Variants in PTGDR observed in about 807,000 individuals in gnomAD.
PTGDR encodes the protein prostaglandin D2 receptor, also known as PGD2 receptor.
A neutral mutation model predicts 17.4 loss-of-function variants in PTGDR; 19 were observed. That is an observed-to-expected ratio of 1.09 (90% CI 0.76 to 1.60). The LOEUF (loss-of-function observed/expected upper bound fraction) is 1.60, where lower values mean the gene tolerates loss of function less well. Among genes scored for constraint, PTGDR ranks in the 40% most tolerant of loss-of-function variants. The pLI is 0.00. For missense variants in PTGDR, 526 were observed against 481.9 expected (o/e 1.09, Z -0.86); for synonymous variants, 267 against 224.2 (o/e 1.19, Z -1.71).
At chr14:52,280,151 G>A (rs781588791), downstream of PTGDR, among the ~76,000 whole-genome samples, 7 of 152,154 alleles carry the variant, frequency 4.6e-5, no homozygotes, top group African/African-American at 1.2e-4. Flanking sequence ...CTAGCGGTGC[G>A]TTGTATAAAC....
chr14:52,272,540 C>A (rs985771905), intron 1 of PTGDR, among the ~76,000 whole-genome samples: 2 of 152,038 alleles, frequency 1.3e-5, no homozygotes, highest in Non-Finnish European at 2.9e-5. Flanking sequence ...GAGAAGAACG[C>A]CCTCTGATGG....
Position 52,275,429 on chromosome 14 carries a change from T to C in PTGDR, c.*465T>C, listed in dbSNP as rs1221462780. 1 of 157,568 alleles carries C rather than the reference T, an allele frequency of 6.3e-6. No individual in the cohort carries two copies. Among genetic ancestry groups the C allele is most frequent in the Non-Finnish European group, 1.4e-5 (1 of 71,524 alleles). The allele number at this position is 157,568 out of a possible 1,614,324, so 9.8% of individuals were successfully genotyped here. A position where few individuals can be genotyped will look rare whatever the true frequency, so the allele number is the denominator to read the frequency against. ...ACCTGATTCATTGATTTTATATCAT[T>C]GCCGATGTTTAGTTCATTTCTTTGC... On this transcript the variant is annotated 3_prime_UTR_variant, in exon 2 of 2. Transcript: ENST00000306051.
chr14:52,268,196 C>T lies in PTGDR; in HGVS notation c.382C>T (p.Leu128=). ...GACACTGCAACTCCTGGCCATGGCACTGGAGTGCTGGCTCTCCCTAGGGCA... is the reference window on the plus strand; with the variant it reads ...GACACTGCAACTCCTGGCCATGGCATTGGAGTGCTGGCTCTCCCTAGGGCA... ...SSTLQLLAMA[L]ECWLSLGHPF... Residue 128 remains leucine (L), a synonymous_variant, in exon 1 of 2, where the codon CTG becomes TTG. Transcript: ENST00000306051. 2 of 1,614,150 alleles carry T rather than the reference C, an allele frequency of 1.2e-6. No homozygotes were observed. Among genetic ancestry groups the T allele is most frequent in the Non-Finnish European group, 1.7e-6 (2 of 1,180,046 alleles).
chr14:52,274,046 G>A (rs1021983127), intron 1 of PTGDR, among the ~76,000 whole-genome samples: 1 of 151,242 alleles, frequency 6.6e-6, no homozygotes, highest in African/African-American at 2.4e-5. Flanking sequence ...TTATATTTTT[G>A]TGCATGTTTT....
chr14:52,278,292 G>A (rs952118977), downstream of PTGDR, among the ~76,000 whole-genome samples: 1 of 152,092 alleles, frequency 6.6e-6, no homozygotes, highest in Non-Finnish European at 1.5e-5. Flanking sequence ...CAGCCATAAA[G>A]AATGATGAGT....
At chr14:52,272,413 G>A (rs1169713504) in intron 1 of PTGDR, among the ~76,000 whole-genome samples, 1 of 151,688 alleles carries the variant, frequency 6.6e-6, no homozygotes, top group East Asian at 1.9e-4. Flanking sequence ...GCTGCATTGA[G>A]CCTTGATTGT....
At chr14:52,278,324 G>A (rs1566485786), downstream of PTGDR, among the ~76,000 whole-genome samples, 1 of 152,154 alleles carries the variant, frequency 6.6e-6, no homozygotes, top group Non-Finnish European at 1.5e-5. Context: ...GTAGGGACAT[G>A]GATGAAACTG....
At chr14:52,278,581 C>T (rs569242167), downstream of PTGDR, among the ~76,000 whole-genome samples, 8 of 151,808 alleles carry the variant, frequency 5.3e-5, no homozygotes, top group Non-Finnish European at 8.8e-5. Context: ...CAAACCTGCA[C>T]GTTGTGCACA....
Position 52,267,864 on chromosome 14 carries a change from G to GAACAT in PTGDR, c.50_51insAACAT (p.Asn18ThrfsTer6). 6.3e-7 allele frequency: 1 copy of GAACAT among 1,599,122 alleles called. No homozygotes were observed. Among genetic ancestry groups the GAACAT allele is most frequent in the Non-Finnish European group, 8.5e-7 (1 of 1,172,042 alleles). The stretch of plus-strand genomic sequence containing the variant: ...CAGAACACCACCTCTGTGGAAAAAG[G>GAACAT]CAACTCGGCGGTGATGGGCGGGGTG... On this transcript the variant is annotated frameshift_variant, in exon 1 of 2. Coordinates refer to ENST00000306051, the MANE Select transcript of PTGDR (RefSeq NM_000953.3). LOFTEE classifies it high-confidence loss of function.
At chr14:52,278,235 A>T (rs2033452273), downstream of PTGDR, among the ~76,000 whole-genome samples, 1 of 152,256 alleles carries the variant, frequency 6.6e-6, no homozygotes, top group African/African-American at 2.4e-5. Flanking sequence ...CAACAATGAT[A>T]GACTGGATTA....
intron 1 of PTGDR, among the ~76,000 whole-genome samples, chr14:52,272,975 G>C (rs1398595433): frequency 6.6e-6 from 1 of 152,006 alleles, no homozygotes. Context: ...AGGACATTGT[G>C]GTTTTCTAAG....
chr14:52,268,734 C>T (rs1199938691), intron 1 of PTGDR, 74 bp downstream of exon 1: 3 of 1,463,350 alleles, frequency 2.1e-6, no homozygotes, highest in Admixed American at 2.2e-5. Context: ...AAGGGTGGAG[C>T]GGATCGGGAT....
chr14:52,277,524 T>G (rs892809499), downstream of PTGDR, among the ~76,000 whole-genome samples: 7 of 152,210 alleles, frequency 4.6e-5, no homozygotes, highest in African/African-American at 1.7e-4. Flanking sequence ...TAACAGAGGT[T>G]ATTCAGAGAA....
At position 52,268,509 on chromosome 14, in the gene PTGDR, T is replaced by C. The variant is rs866532553; in HGVS notation, c.695T>C (p.Leu232Pro). Residue 232 changes from leucine to proline, a missense_variant, in exon 1 of 2, where the codon CTG (leucine) becomes CCG (proline). Leu to Pro is a moderately conservative substitution (Grantham distance 98). Coordinates refer to ENST00000306051, the MANE Select transcript of PTGDR (RefSeq NM_000953.3). ...MRNLYAMHRR[L>P]QRHPRSCTRD... ...AACCTCTATGCGATGCACCGGCGGC[T>C]GCAGCGGCACCCGCGCTCCTGCACC... The C allele has an allele frequency of 6.2e-7, 1 of 1,611,154 alleles. No homozygotes were observed. The highest frequency in any genetic ancestry group is 1.3e-5 in the African/African-American group (1 of 74,914).
rs1219068826 is a variant in PTGDR, at chr14:52,267,737, C to T, written c.-78C>T. On this transcript the variant is annotated 5_prime_UTR_variant, in exon 1 of 2. Coordinates refer to ENST00000306051, the MANE Select transcript of PTGDR (RefSeq NM_000953.3). ...CCGCCCGAGCCGCGCGCGGAGCTGCCGGGGGCTCCTTAGCACCCGGGCGCC... is the reference window on the plus strand; with the variant it reads ...CCGCCCGAGCCGCGCGCGGAGCTGCTGGGGGCTCCTTAGCACCCGGGCGCC... 16 of 1,448,698 alleles carry T rather than the reference C, an allele frequency of 1.1e-5. No homozygotes were observed. The highest frequency in any genetic ancestry group is 2.5e-5 in the East Asian group (1 of 39,894). The allele number at this position is 1,448,698 out of a possible 1,614,324, so 89.7% of individuals were successfully genotyped here.
At chr14:52,269,159 G>A (rs925273436) in intron 1 of PTGDR, among the ~76,000 whole-genome samples, 1 of 152,212 alleles carries the variant, frequency 6.6e-6, no homozygotes, top group African/African-American at 2.4e-5. Context: ...AAGGGAAAAA[G>A]AGGTTTAAGC....
intron 1 of PTGDR, among the ~76,000 whole-genome samples, chr14:52,268,999 G>A (rs2033274274): frequency 6.6e-6 from 1 of 152,122 alleles, no homozygotes; most frequent in Admixed American, 6.5e-5. Flanking sequence ...CTTAGGAGGA[G>A]CAGAACTTAG....
At chr14:52,269,114 G>A (rs1371587947) in intron 1 of PTGDR, among the ~76,000 whole-genome samples, 3 of 152,174 alleles carry the variant, frequency 2.0e-5, no homozygotes, top group Admixed American at 6.5e-5. Context: ...GGCGAATGGC[G>A]TCTGGGACGA....
intron 1 of PTGDR, 113 bp from the exon 2 acceptor site, chr14:52,274,618 T>C (rs1487094635): frequency 8.0e-6 from 7 of 871,740 alleles, no homozygotes; most frequent in Non-Finnish European, 1.2e-5. Flanking sequence ...GTACCAAAAA[T>C]GGGTGTTCCA....
Sources: gnomAD v4.1 joint callset for allele counts (sites outside exome capture counted in the v4.1 genomes callset) on GRCh38, gnomAD v4.1.1 for gene constraint, MANE v1.5 for transcripts, NCBI Gene and HGNC (gene_info 2026-07-23, HGNC 2026-07-21) for gene names.